VPS54: variants seen among roughly 807,000 people sequenced by gnomAD.
VPS54 encodes the protein VPS54 subunit of GARP complex.
VPS54 carries 45 observed loss-of-function variants against 121.5 expected under a neutral mutation model. The ratio of observed to expected loss-of-function variants is 0.37; its 90% CI spans 0.29 to 0.47. The LOEUF (loss-of-function observed/expected upper bound fraction) is 0.47. VPS54 is among the 20% of genes least tolerant of loss of function. The probability of loss-of-function intolerance (pLI) is 0.99; values close to 1 mark genes in which losing one functional copy is unlikely to be tolerated. For missense variants in VPS54, 1,090 were observed against 1,131.4 expected (o/e 0.96, Z 0.52); for synonymous variants, 371 against 385.8 (o/e 0.96, Z 0.45).
At chr2:63,894,701 C>CAA (rs34352542) in intron 22 of VPS54, among the ~76,000 whole-genome samples, 92 of 114,096 alleles carry the variant, frequency 8.1e-4, no homozygotes, top group East Asian at 1.1e-3. Context: ...ACCCTGTCTC[C>CAA]AAAAAAAAAA....
At chr2:63,967,700 C>G (rs1040400080) in intron 5 of VPS54, among the ~76,000 whole-genome samples, 5 of 50,812 alleles carry the variant, frequency 9.8e-5, no homozygotes, top group African/African-American at 3.8e-4. Context: ...GCCTGGGCGA[C>G]AGAGAGAGAC....
chr2:63,914,279 A>T lies in VPS54; in HGVS notation c.2237T>A (p.Leu746Ter). 6.2e-7 allele frequency: 1 copy of T among 1,607,158 alleles called. No individual in the cohort carries two copies. The highest frequency in any genetic ancestry group is 8.5e-7 in the Non-Finnish European group (1 of 1,176,940). Residue 746 changes from leucine (L) to a stop codon, truncating the protein, a stop_gained, in exon 17 of 23, where the codon TTG becomes TAG. Coordinates refer to ENST00000272322, the MANE Select transcript of VPS54 (RefSeq NM_016516.3). LOFTEE classifies it high-confidence loss of function. The stretch of plus-strand genomic sequence containing the variant: ...TTCAAGGATAATTCTTATTAACAGC[A>T]ATACGGTTCTACAAGAAAAGAAAAA... ...GQQYAVVGTV[L>*]LLIRIILEYC... is the part of the protein sequence containing the mutation.
intron 12 of VPS54, among the ~76,000 whole-genome samples, chr2:63,924,875 A>G (rs1264836025): frequency 6.6e-6 from 1 of 152,208 alleles, no homozygotes; most frequent in African/African-American, 2.4e-5. Context: ...ATATGGGAAA[A>G]AAATCTTAAC....
At chr2:63,920,798 C>G (rs1673608304) in intron 13 of VPS54, among the ~76,000 whole-genome samples, 171 bp from the exon 14 acceptor site, 1 of 152,014 alleles carries the variant, frequency 6.6e-6, no homozygotes, top group South Asian at 2.1e-4. Context: ...AAATTTGATT[C>G]TGATCCCTTT....
chr2:63,961,607 T>C (rs1250418713), intron 7 of VPS54, among the ~76,000 whole-genome samples: 1 of 152,194 alleles, frequency 6.6e-6, no homozygotes, highest in African/African-American at 2.4e-5. Flanking sequence ...GTCTTTTCTA[T>C]CACCATGTGG....
intron 12 of VPS54, among the ~76,000 whole-genome samples, chr2:63,929,295 C>G (rs1277105398): frequency 6.6e-6 from 1 of 152,124 alleles, no homozygotes; most frequent in Non-Finnish European, 1.5e-5. Context: ...TGTAAAAGAA[C>G]AGAAATCACA....
intron 15 of VPS54, 146 bp from the exon 16 acceptor site, chr2:63,917,109 C>A: frequency 1.3e-6 from 1 of 778,286 alleles, no homozygotes; most frequent in Admixed American, 2.5e-5. Context: ...ATTTGGCACA[C>A]AGTAAATAAA....
chr2:63,992,946 C>A (rs1677397775), intron 1 of VPS54, among the ~76,000 whole-genome samples: 1 of 152,218 alleles, frequency 6.6e-6, no homozygotes, highest in South Asian at 2.1e-4. Flanking sequence ...AATAGCCCTA[C>A]AATCTGCCAG....
intron 7 of VPS54, among the ~76,000 whole-genome samples, chr2:63,956,279 A>T (rs1675486514): frequency 6.6e-6 from 1 of 152,178 alleles, no homozygotes; most frequent in South Asian, 2.1e-4. Flanking sequence ...CTTTTGATAC[A>T]TCCAATAATA....
intron 1 of VPS54, among the ~76,000 whole-genome samples, chr2:63,993,025 T>G (rs945714422): frequency 2.6e-5 from 4 of 152,220 alleles, no homozygotes; most frequent in African/African-American, 7.2e-5. Flanking sequence ...TTCATTATAT[T>G]GATATTTTAA....
intron 7 of VPS54, among the ~76,000 whole-genome samples, chr2:63,955,793 T>C (rs1407601198): frequency 6.6e-6 from 1 of 152,104 alleles, no homozygotes; most frequent in African/African-American, 2.4e-5. Context: ...TATTCTTGTA[T>C]ATTCTTGGCT....
At chr2:63,941,004 C>G (rs999626936) in intron 11 of VPS54, among the ~76,000 whole-genome samples, 1 of 152,134 alleles carries the variant, frequency 6.6e-6, no homozygotes, top group African/African-American at 2.4e-5. Context: ...ACACATGTGA[C>G]TTAGCATTGC....
At chr2:63,945,552 T>A (rs1674940366) in intron 9 of VPS54, among the ~76,000 whole-genome samples, 3 of 152,072 alleles carry the variant, frequency 2.0e-5, no homozygotes, top group Admixed American at 2.0e-4. Context: ...TAAAAAAAAA[T>A]TTTAAAGGCT....
intron 1 of VPS54, among the ~76,000 whole-genome samples, chr2:63,985,838 T>C (rs1677026523): frequency 6.6e-6 from 1 of 152,178 alleles, no homozygotes. Flanking sequence ...AAGGCCTCTG[T>C]CATTTATATC....
At chr2:63,989,058 A>G (rs1677191483) in intron 1 of VPS54, among the ~76,000 whole-genome samples, 1 of 152,134 alleles carries the variant, frequency 6.6e-6, no homozygotes, top group African/African-American at 2.4e-5. Flanking sequence ...ACGCAGTTGT[A>G]GATAGGGATG....
Position 63,970,214 on chromosome 2 carries a change from C to T in VPS54, c.458-1223G>A, listed in dbSNP as rs201254416. On this transcript the variant is annotated intron_variant, in intron 4 of 22. Transcript: ENST00000272322. ...CCCATTAAAAAAAAATATATATATACACACACACACACACACACACACATT... is the reference window on the plus strand; with the variant it reads ...CCCATTAAAAAAAAATATATATATATACACACACACACACACACACACATT... Among the ~76,000 whole-genome samples, 384 of 76,318 alleles carry T rather than the reference C, an allele frequency of 5.0e-3. 6 individuals carry two copies. Among genetic ancestry groups the T allele is most frequent in the African/African-American group, 0.017 (316 of 18,492 alleles). 50.1% of individuals were successfully genotyped at this position (76,318 alleles called of 152,430 possible).
chr2:63,989,169 G>A (rs1210044823), intron 1 of VPS54, among the ~76,000 whole-genome samples: 1 of 152,080 alleles, frequency 6.6e-6, no homozygotes, highest in African/African-American at 2.4e-5. Flanking sequence ...CTCAAACCCT[G>A]TTTCCTGATG....
At chr2:63,970,812 C>A (rs1176484855) in intron 4 of VPS54, among the ~76,000 whole-genome samples, 1 of 152,148 alleles carries the variant, frequency 6.6e-6, no homozygotes, top group Non-Finnish European at 1.5e-5. Flanking sequence ...TGCTCCATCA[C>A]CAGTCGTTTT....
Position 63,944,670 on chromosome 2 carries a change from AAAAAAC to A in VPS54, c.1246-21_1246-16del, listed in dbSNP as rs1674894583. 6.3e-7 allele frequency: 1 copy of A among 1,590,458 alleles called. No homozygotes were observed. The highest frequency in any genetic ancestry group is 8.6e-7 in the Non-Finnish European group (1 of 1,165,980). On this transcript the variant is annotated splice_polypyrimidine_tract_variant and intron_variant, in intron 9 of 22. Coordinates refer to ENST00000272322, the MANE Select transcript of VPS54 (RefSeq NM_016516.3). ...TTAATCACACACTGCAAAATTTAAG[AAAAAAC>A]AAAAACAATTTGATTAATTGTCTTT...
Sources: allele counts gnomAD v4.1 joint callset (sites outside exome capture counted in the v4.1 genomes callset), GRCh38; gene constraint gnomAD v4.1.1; transcripts MANE v1.5; gene names NCBI Gene and HGNC (gene_info 2026-07-23, HGNC 2026-07-21).